CRAMP1: variants seen among roughly 807,000 people sequenced by gnomAD.
CRAMP1 encodes the protein protein cramped-like.
In CRAMP1, 50 loss-of-function variants were observed where a neutral mutation model predicts 115.4. The ratio of observed to expected loss-of-function variants is 0.43; its 90% CI spans 0.35 to 0.55. CRAMP1 has a LOEUF of 0.55. Among genes scored for constraint, CRAMP1 ranks in the 20% least tolerant of loss-of-function variants. The pLI is 0.01. For missense variants in CRAMP1, 1,679 were observed against 1,721.7 expected (o/e 0.98, Z 0.44); for synonymous variants, 866 against 745.4 (o/e 1.16, Z -2.64).
intron 13 of CRAMP1, among the ~76,000 whole-genome samples, chr16:1,663,060 C>G (rs1161308527): frequency 1.3e-5 from 2 of 152,202 alleles, no homozygotes; most frequent in Non-Finnish European, 2.9e-5. Context: ...GCAAAAAAGA[C>G]AATTATAGGG....
intron 1 of CRAMP1, among the ~76,000 whole-genome samples, 52 bp downstream of exon 1, chr16:1,612,709 C>A (rs942500187): frequency 6.6e-6 from 1 of 151,882 alleles, no homozygotes; most frequent in African/African-American, 2.4e-5. Flanking sequence ...GCCGGGGGGT[C>A]CTGTCGGGCG....
intron 9 of CRAMP1, 145 bp downstream of exon 9, chr16:1,655,445 A>G: frequency 1.4e-6 from 1 of 720,858 alleles, no homozygotes; most frequent in Non-Finnish European, 2.5e-6. Flanking sequence ...CTGGAACCAT[A>G]ACCTGGAGCC....
chr16:1,655,827 A>T (rs766095569), intron 9 of CRAMP1, 50 bp from the exon 10 acceptor site: 4 of 1,564,850 alleles, frequency 2.6e-6, no homozygotes, highest in Non-Finnish European at 3.5e-6. Context: ...CCTGGTCAGC[A>T]TCCCGACCTC....
At chr16:1,640,758 G>A (rs770515017) in intron 5 of CRAMP1, among the ~76,000 whole-genome samples, 7 of 152,212 alleles carry the variant, frequency 4.6e-5, no homozygotes, top group Non-Finnish European at 8.8e-5. Flanking sequence ...GGAAGTGTGC[G>A]TGGGCAGGTG....
chr16:1,634,894 AGTTTT>A (rs368064284), intron 4 of CRAMP1, among the ~76,000 whole-genome samples: 9 of 151,642 alleles, frequency 5.9e-5, no homozygotes, highest in African/African-American at 1.5e-4. Flanking sequence ...CGTGCTTTGG[AGTTTT>A]GTTTTGTTTT....
Position 1,614,154 on chromosome 16 carries a change from C to G in CRAMP1, c.-1-485C>G, listed in dbSNP as rs1457765439. 6.7e-6 allele frequency among the ~76,000 whole-genome samples: 1 copy of G among 148,748 alleles called. No individual in the cohort carries two copies. The highest frequency in any genetic ancestry group is 1.5e-5 in the Non-Finnish European group (1 of 66,730). ...GTGGGACGAGGGGCTAGGGCTGGGGCTGCGGCCCGGCCGGCCGAGGCGGCG... is the reference window on the plus strand; with the variant it reads ...GTGGGACGAGGGGCTAGGGCTGGGGGTGCGGCCCGGCCGGCCGAGGCGGCG... On this transcript the variant is annotated intron_variant, in intron 1 of 20. Coordinates refer to ENST00000397412, the MANE Select transcript of CRAMP1 (RefSeq NM_020825.4). The surrounding 1 kb of genome is among the most constrained non-coding windows in gnomAD (Gnocchi z 4.4).
chr16:1,632,172 T>C, intron 3 of CRAMP1, 40 bp from the exon 4 acceptor site: 2 of 1,542,042 alleles, frequency 1.3e-6, no homozygotes, highest in Non-Finnish European at 1.8e-6. Context: ...AGCTGCATTG[T>C]TTTAACCCCT....
intron 2 of CRAMP1, among the ~76,000 whole-genome samples, chr16:1,619,433 G>C (rs1006508910): frequency 6.6e-6 from 1 of 152,072 alleles, no homozygotes; most frequent in Admixed American, 6.6e-5. Flanking sequence ...CGCCTGCCTC[G>C]GCCTCCCAAA....
intron 2 of CRAMP1, among the ~76,000 whole-genome samples, chr16:1,622,957 C>T (rs962282576): frequency 6.6e-6 from 1 of 152,024 alleles, no homozygotes; most frequent in African/African-American, 2.4e-5. Context: ...GACAGGGTTT[C>T]ACCACATTGG....
chr16:1,658,481 A>G (rs985977952), intron 10 of CRAMP1, among the ~76,000 whole-genome samples: 1 of 152,272 alleles, frequency 6.6e-6, no homozygotes, highest in East Asian at 1.9e-4. Flanking sequence ...CAGAGCAGGT[A>G]GGAATCCCAC....
chr16:1,630,360 CA>C (rs1002652809), intron 3 of CRAMP1, among the ~76,000 whole-genome samples: 2 of 152,104 alleles, frequency 1.3e-5, no homozygotes, highest in Admixed American at 6.5e-5. Flanking sequence ...CTATGTTGCT[CA>C]AACTGGTCTC....
Position 1,672,019 on chromosome 16 carries a change from C to G in CRAMP1, c.3645+1210C>G, listed in dbSNP as rs2036927131. On this transcript the variant is annotated intron_variant, in intron 20 of 20. Coordinates refer to ENST00000397412, the MANE Select transcript of CRAMP1 (RefSeq NM_020825.4). This position sits in a 1 kb window ranked among gnomAD's most constrained non-coding sequence, Gnocchi z 4.9. The stretch of plus-strand genomic sequence containing the variant: ...TGTTTCCCGAGAAGCCAGTCTCTGT[C>G]TCTTCCCCTGTTTGTGCGCATGTTC... Among the ~76,000 whole-genome samples, 1 of 152,222 alleles carries G rather than the reference C, an allele frequency of 6.6e-6. No individual in the cohort carries two copies. The highest frequency in any genetic ancestry group is 1.5e-5 in the Non-Finnish European group (1 of 68,044).
At chr16:1,628,923 G>A (rs2036527024) in intron 3 of CRAMP1, among the ~76,000 whole-genome samples, 1 of 152,210 alleles carries the variant, frequency 6.6e-6, no homozygotes, top group African/African-American at 2.4e-5. Flanking sequence ...TTTGGGCAGT[G>A]CTGGGCATGC....
chr16:1,631,992 G>T (rs2036551124), intron 3 of CRAMP1, among the ~76,000 whole-genome samples: 1 of 152,128 alleles, frequency 6.6e-6, no homozygotes, highest in South Asian at 2.1e-4. Flanking sequence ...TGCTCTGATG[G>T]TTCTGTTCCT....
intron 3 of CRAMP1, 131 bp from the exon 4 acceptor site, chr16:1,632,081 T>C (rs1362318091): frequency 1.0e-6 from 1 of 964,432 alleles, no homozygotes; most frequent in Admixed American, 2.8e-5. Context: ...AGATAAGAGC[T>C]TGGAAGGGCT....
rs1336910144 is a variant in CRAMP1 at position 1,676,067 on chromosome 16, A to C, written c.*2022A>C. Reference sequence around the variant, plus strand: ...CCCACAGGCTAGACCAGAGATGCCAAGTCCCAACAGCACTGAGCTGTGTGC... The same window carrying C: ...CCCACAGGCTAGACCAGAGATGCCACGTCCCAACAGCACTGAGCTGTGTGC... On this transcript the variant is annotated 3_prime_UTR_variant, in exon 21 of 21. Transcript: ENST00000397412. 3 of 152,274 alleles carry C rather than the reference A, an allele frequency of 2.0e-5. No homozygotes were observed. Among genetic ancestry groups the C allele is most frequent in the Non-Finnish European group, 4.4e-5 (3 of 68,066 alleles). 9.4% of individuals were successfully genotyped at this position (152,274 alleles called of 1,614,324 possible). A position where few individuals can be genotyped will look rare whatever the true frequency, so the allele number is the denominator to read the frequency against.
intron 4 of CRAMP1, among the ~76,000 whole-genome samples, chr16:1,635,381 C>T (rs760619749): frequency 1.3e-5 from 2 of 152,222 alleles, no homozygotes; most frequent in South Asian, 2.1e-4. Context: ...TGCACATCTG[C>T]GTTTCCTTGC....
intron 16 of CRAMP1, among the ~76,000 whole-genome samples, chr16:1,667,008 C>T (rs1370843893): frequency 1.3e-5 from 2 of 152,206 alleles, no homozygotes; most frequent in African/African-American, 2.4e-5. Flanking sequence ...TGGCCTCCCA[C>T]GGCCACTTCA....
intron 4 of CRAMP1, among the ~76,000 whole-genome samples, chr16:1,633,562 T>C (rs568414654): frequency 6.6e-6 from 1 of 152,240 alleles, no homozygotes; most frequent in Non-Finnish European, 1.5e-5. Flanking sequence ...CGTTTTGTCC[T>C]ATATTTGATG....
Sources: allele counts gnomAD v4.1 joint callset (sites outside exome capture counted in the v4.1 genomes callset), GRCh38; gene constraint gnomAD v4.1.1; non-coding constraint Gnocchi (gnomAD v3.1); transcripts MANE v1.5; gene names NCBI Gene and HGNC (gene_info 2026-07-23, HGNC 2026-07-21).